TENM3: variants seen among roughly 807,000 people sequenced by gnomAD.
TENM3 encodes the protein teneurin transmembrane protein 3.
TENM3 carries 63 observed loss-of-function variants against 255.1 expected under a neutral mutation model. The observed-to-expected ratio is 0.25, with a 90% CI of 0.20 to 0.30. The LOEUF is 0.30. TENM3 is among the 10% of genes least tolerant of loss of function. The pLI is 1.00. For synonymous variants in TENM3, 1,306 were observed against 1,322.3 expected, an observed-to-expected ratio of 0.99 and a Z score of 0.27; for missense variants, 2,929 against 3,461.1, an observed-to-expected ratio of 0.85 and a Z score of 3.86.
At chr4:182,669,492 A>G (rs1337367161) in intron 6 of TENM3, among the ~76,000 whole-genome samples, 1 of 152,014 alleles carries the variant, frequency 6.6e-6, no homozygotes, top group South Asian at 2.1e-4. Flanking sequence ...GGATGGTCTC[A>G]ATCTCCTGAC....
intron 3 of TENM3, among the ~76,000 whole-genome samples, chr4:182,520,529 C>T (rs896222157): frequency 2.0e-5 from 3 of 152,094 alleles, no homozygotes; most frequent in East Asian, 3.9e-4. Flanking sequence ...GAAAGTATCT[C>T]GTTTCACATA....
chr4:182,100,808 C>CTCATATAT, the TENM3 span, among the ~76,000 whole-genome samples: 1 of 3,872 alleles, frequency 2.6e-4, no homozygotes, highest in African/African-American at 5.2e-4. Flanking sequence ...CATATATATA[C>CTCATATAT]ACATATATAT....
chr4:181,789,652 G>T, the TENM3 span, among the ~76,000 whole-genome samples: 6 of 152,202 alleles, frequency 3.9e-5, no homozygotes, highest in East Asian at 1.2e-3. Context: ...AGCAGTTATA[G>T]GATTTCAGGG....
chr4:181,600,842 GA>G, the TENM3 span, among the ~76,000 whole-genome samples: 258 of 138,298 alleles, frequency 1.9e-3, 2 homozygotes, highest in Middle Eastern at 3.7e-3. Flanking sequence ...GTACCAAAAA[GA>G]AAAAAAAAAA....
intron 13 of TENM3, among the ~76,000 whole-genome samples, chr4:182,725,138 G>A (rs979134688): frequency 2.0e-5 from 3 of 151,494 alleles, no homozygotes; most frequent in Admixed American, 6.6e-5. Flanking sequence ...CTGCACCCTC[G>A]AACTCCTGGG....
chr4:181,643,850 G>T, the TENM3 span, among the ~76,000 whole-genome samples: 1 of 152,122 alleles, frequency 6.6e-6, no homozygotes, highest in Admixed American at 6.6e-5. Context: ...GCCAAGGCGG[G>T]CAGATCACTT....
chr4:182,456,489 A>C (rs2151359433), intron 3 of TENM3, among the ~76,000 whole-genome samples: 1 of 152,336 alleles, frequency 6.6e-6, no homozygotes, highest in Non-Finnish European at 1.5e-5. Context: ...TAGGTGAAGC[A>C]AAATGTTAAT....
the TENM3 span, among the ~76,000 whole-genome samples, chr4:181,508,029 G>A: frequency 1.3e-5 from 2 of 152,318 alleles, no homozygotes; most frequent in East Asian, 3.9e-4. Context: ...ACAAATGAAA[G>A]GAAAAGCTTT....
chr4:181,719,138 G>A, the TENM3 span, among the ~76,000 whole-genome samples: 21 of 151,854 alleles, frequency 1.4e-4, no homozygotes, highest in Middle Eastern at 6.8e-3. Flanking sequence ...CCCGGGAAGC[G>A]GAGCTTGCAG....
rs561565865 is a variant in TENM3, at chr4:182,226,556, G to A, written c.-76+81802G>A. Among the ~76,000 whole-genome samples, 16 of 152,202 alleles carry A rather than the reference G, an allele frequency of 1.1e-4. 1 individual carries two copies. In the South Asian group the frequency reaches 1.7e-3, roughly 16 times the overall value. On this transcript the variant is annotated intron_variant, in intron 1 of 2. Coordinates refer to the TENM3 transcript ENST00000512480. The stretch of plus-strand genomic sequence containing the variant: ...AGCATATATATATGTAAGTAACTGC[G>A]TTACATAAAATGCAGCTGTGGATTA...
At chr4:182,285,012 G>A (rs1311044322) in intron 1 of TENM3, among the ~76,000 whole-genome samples, 2 of 152,010 alleles carry the variant, frequency 1.3e-5, no homozygotes, top group African/African-American at 4.8e-5. Context: ...TATATATTTG[G>A]AAATGCAGAG....
At chr4:182,024,038 T>C in the TENM3 span, among the ~76,000 whole-genome samples, 1 of 152,218 alleles carries the variant, frequency 6.6e-6, no homozygotes, top group Non-Finnish European at 1.5e-5. Context: ...GCACTCATGA[T>C]TATATATTTC....
chr4:181,603,372 A>T, the TENM3 span, among the ~76,000 whole-genome samples: 1 of 152,144 alleles, frequency 6.6e-6, no homozygotes, highest in Non-Finnish European at 1.5e-5. Flanking sequence ...TCAACCCGAA[A>T]GCATGATTTA....
chr4:182,653,511 C>G (rs915354680), intron 5 of TENM3, among the ~76,000 whole-genome samples: 3 of 152,158 alleles, frequency 2.0e-5, no homozygotes, highest in African/African-American at 7.2e-5. Context: ...ATGATTGATT[C>G]CTAAGAGTTT....
At chr4:181,888,536 G>GTATA in the TENM3 span, among the ~76,000 whole-genome samples, 1 of 69,792 alleles carries the variant, frequency 1.4e-5, no homozygotes, top group East Asian at 3.8e-4. Context: ...ACATATATGT[G>GTATA]TATATATATA....
chr4:181,510,569 T>TAAA, the TENM3 span, among the ~76,000 whole-genome samples: 3 of 151,868 alleles, frequency 2.0e-5, no homozygotes, highest in South Asian at 4.2e-4. Context: ...ACATTTTTTT[T>TAAA]AAAAAAAGAA....
chr4:182,244,083 A>G (rs890886459), intron 1 of TENM3, among the ~76,000 whole-genome samples: 3 of 149,866 alleles, frequency 2.0e-5, no homozygotes, highest in African/African-American at 7.4e-5. Flanking sequence ...CCTCCCGAGT[A>G]GCTGGGACTA....
chr4:182,370,762 G>C (rs1766750266), intron 3 of TENM3, among the ~76,000 whole-genome samples: 1 of 152,148 alleles, frequency 6.6e-6, no homozygotes, highest in African/African-American at 2.4e-5. Flanking sequence ...ATATTCATGC[G>C]ATTATCTGCA....
At chr4:181,813,247 G>T in the TENM3 span, among the ~76,000 whole-genome samples, 1 of 152,124 alleles carries the variant, frequency 6.6e-6, no homozygotes, top group Non-Finnish European at 1.5e-5. Flanking sequence ...GTGGGGAGGG[G>T]TGGCACAGAG....
Sources: allele counts gnomAD v4.1 joint callset (sites outside exome capture counted in the v4.1 genomes callset), GRCh38; gene constraint gnomAD v4.1.1; transcripts MANE v1.5; gene names NCBI Gene and HGNC (gene_info 2026-07-23, HGNC 2026-07-21).